Variants in CCL22 observed in about 807,000 individuals in gnomAD.
The protein encoded by CCL22 is C-C motif chemokine 22.
Under a neutral mutation model 7.6 loss-of-function variants are expected in CCL22, and 7 were observed. The observed-to-expected ratio is 0.92, with a 90% CI of 0.52 to 1.72. CCL22 has a LOEUF of 1.72. Among genes scored for constraint, CCL22 ranks in the 40% most tolerant of loss-of-function variants. The pLI, the probability that CCL22 is intolerant of heterozygous loss-of-function variation, is 0.00. For synonymous variants in CCL22, 55 were observed against 47.2 expected, an observed-to-expected ratio of 1.17 and a Z score of -0.68; for missense variants, 115 against 124.7, an observed-to-expected ratio of 0.92 and a Z score of 0.37.
upstream of CCL22, chr16:57,358,776 T>G (rs758389108): frequency 6.8e-6 from 10 of 1,476,538 alleles, no homozygotes; most frequent in South Asian, 1.0e-4. Context: ...TCTTCCTATG[T>G]CCCTTTGCAG....
At chr16:57,361,258 C>CAAAA (rs68168072) in intron 2 of CCL22, among the ~76,000 whole-genome samples, 57 of 114,702 alleles carry the variant, frequency 5.0e-4, no homozygotes, top group African/African-American at 1.9e-3. Flanking sequence ...GACTCTGTCT[C>CAAAA]AAAAAAAAAA....
upstream of CCL22, chr16:57,358,659 G>A (rs1902014730): frequency 1.5e-6 from 1 of 654,854 alleles, no homozygotes; most frequent in African/African-American, 1.8e-5. Flanking sequence ...GGAAGTGGGA[G>A]GTAGTTCTTC....
chr16:57,360,363 G>C lies in CCL22; in HGVS notation c.74-74G>C, dbSNP rs555119329. ...CTCTTTCCTGGAGCCTGGAGAGGCC[G>C]AGATCAGGGGCTGGGGCCGAGGGTG... On this transcript the variant is annotated intron_variant, in intron 1 of 2. Transcript: ENST00000219235. 2.4e-4 allele frequency: 378 copies of C among 1,581,652 alleles called. 6 individuals are homozygous for C. In the South Asian group the frequency reaches 3.9e-3, roughly 16 times the overall value.
intron 2 of CCL22, among the ~76,000 whole-genome samples, chr16:57,360,762 A>AG (rs1420891598): frequency 6.6e-6 from 1 of 152,256 alleles, no homozygotes; most frequent in Non-Finnish European, 1.5e-5. Flanking sequence ...GTGATCGTTT[A>AG]GCCAATATCC....
At position 57,364,540 on chromosome 16, in the gene CCL22, G is replaced by A. The variant is rs1443790074; in HGVS notation, c.*952G>A. The A allele has an allele frequency of 2.0e-5, 3 of 147,668 alleles. No homozygotes were observed. The highest frequency in any genetic ancestry group is 7.5e-5 in the African/African-American group (3 of 40,168). The allele number at this position is 147,668 out of a possible 1,614,324, so 9.1% of individuals were successfully genotyped here. ...GTCACCCACGCTGGAGTGCAATGGT[G>A]TGGTCTTGGCTTATTGAAGCCTCTG... On this transcript the variant is annotated 3_prime_UTR_variant, in exon 3 of 3. Transcript: ENST00000219235.
rs1555509459 is a variant in CCL22 at position 57,364,793 on chromosome 16, A to ACTCCCC, written c.*1206_*1207insTCCCCC. 1 of 33,602 alleles carries ACTCCCC rather than the reference A, an allele frequency of 3.0e-5. No individual in the cohort carries two copies. The highest frequency in any genetic ancestry group is 7.1e-5 in the Non-Finnish European group (1 of 14,102). The allele number at this position is 33,602 out of a possible 1,614,324, so 2.1% of individuals were successfully genotyped here. A position where few individuals can be genotyped will look rare whatever the true frequency, so the allele number is the denominator to read the frequency against. Reference sequence around the variant, plus strand: ...AGTGCCTGGCCTCTTCCCTCTCCCCACCCCCCCCCCAACTTTTTTTTTTTT... The same window carrying ACTCCCC: ...AGTGCCTGGCCTCTTCCCTCTCCCCACTCCCCCCCCCCCCCCAACTTTTTTTTTTTT... On this transcript the variant is annotated 3_prime_UTR_variant, in exon 3 of 3. Coordinates refer to ENST00000219235, the MANE Select transcript of CCL22 (RefSeq NM_002990.5).
In CCL22 at chr16:57,364,904, G is replaced by GTGATTCTCC. The variant is rs1376442545; in HGVS notation, c.*1316_*1317insTGATTCTCC. The GTGATTCTCC allele has an allele frequency of 6.6e-6, 1 of 150,728 alleles. No homozygotes were observed. Among genetic ancestry groups the GTGATTCTCC allele is most frequent in the Non-Finnish European group, 1.5e-5 (1 of 68,024 alleles). 9.3% of individuals were successfully genotyped at this position (150,728 alleles called of 1,614,324 possible). ...TACAACCTCGACCTCCTGGGTTCAA[G>GTGATTCTCC]CGATTCTCCCACCCCAGCCTCCCAA... On this transcript the variant is annotated 3_prime_UTR_variant, in exon 3 of 3. Coordinates refer to ENST00000219235, the MANE Select transcript of CCL22 (RefSeq NM_002990.5).
chr16:57,364,444 A>T lies in CCL22; in HGVS notation c.*856A>T, dbSNP rs992037787. 6.6e-6 allele frequency: 1 copy of T among 151,644 alleles called. No individual in the cohort carries two copies. Among genetic ancestry groups the T allele is most frequent in the East Asian group, 1.9e-4 (1 of 5,156 alleles). 9.4% of individuals were successfully genotyped at this position (151,644 alleles called of 1,614,324 possible). A position where few individuals can be genotyped will look rare whatever the true frequency, so the allele number is the denominator to read the frequency against. On this transcript the variant is annotated 3_prime_UTR_variant, in exon 3 of 3. Transcript: ENST00000219235. ...CCAGCTGGGTCAATGTGAAGCCCCAAATTTGCCCAGATTCACCTTTCTTCC... is the reference window on the plus strand; with the variant it reads ...CCAGCTGGGTCAATGTGAAGCCCCATATTTGCCCAGATTCACCTTTCTTCC...
At chr16:57,358,317 A>G (rs1902009729), upstream of CCL22, among the ~76,000 whole-genome samples, 2 of 152,104 alleles carry the variant, frequency 1.3e-5, no homozygotes, top group Non-Finnish European at 2.9e-5. Flanking sequence ...ATGGGTCCAT[A>G]GGCCTCTCCC....
intron 2 of CCL22, among the ~76,000 whole-genome samples, chr16:57,361,162 G>A (rs1463386672): frequency 1.3e-5 from 2 of 151,676 alleles, no homozygotes; most frequent in African/African-American, 4.9e-5. Context: ...GGGAGGCTGA[G>A]GCAGGAGAAT....
chr16:57,358,135 G>A (rs1033326916), upstream of CCL22, among the ~76,000 whole-genome samples: 12 of 152,154 alleles, frequency 7.9e-5, no homozygotes, highest in South Asian at 2.1e-4. Flanking sequence ...CAGAATCAAC[G>A]GGACATGGAC....
intron 1 of CCL22, among the ~76,000 whole-genome samples, chr16:57,359,387 C>T (rs1340201991): frequency 6.6e-6 from 1 of 152,052 alleles, no homozygotes; most frequent in Non-Finnish European, 1.5e-5. Flanking sequence ...GCAATCTTGG[C>T]CCACTGCAAC....
chr16:57,361,811 C>T (rs1902053298), intron 2 of CCL22, among the ~76,000 whole-genome samples: 1 of 152,132 alleles, frequency 6.6e-6, no homozygotes, highest in Non-Finnish European at 1.5e-5. Context: ...TCATCTTCCT[C>T]CTCCTTATTG....
intron 2 of CCL22, 122 bp downstream of exon 2, chr16:57,360,682 G>C: frequency 8.4e-7 from 1 of 1,194,478 alleles, no homozygotes. Context: ...GCTACCAGAT[G>C]CCTGCCAGGA....
chr16:57,360,424 A>T lies in CCL22; in HGVS notation c.74-13A>T, dbSNP rs763831324. 5 of 1,613,448 alleles carry T rather than the reference A, an allele frequency of 3.1e-6. No homozygotes were observed. The African/African-American group carries it at 5.4e-5, about 17-fold the overall frequency. On this transcript the variant is annotated splice_polypyrimidine_tract_variant and intron_variant, in intron 1 of 2. Transcript: ENST00000219235. ...GCTCCAGCTTGTGAATTCACTGGGG[A>T]CCCCTCCCCTAGGCCCCTACGGCGC...
At position 57,363,662 on chromosome 16, in the gene CCL22, C is replaced by T. The variant is rs867197880; in HGVS notation, c.*74C>T. 2.2e-6 allele frequency: 2 copies of T among 889,058 alleles called. No homozygotes were observed. Among genetic ancestry groups the T allele is most frequent in the Non-Finnish European group, 1.9e-6 (1 of 532,304 alleles). 55.1% of individuals were successfully genotyped at this position (889,058 alleles called of 1,614,324 possible). Reference sequence around the variant, plus strand: ...GAGCCCTACCTCCCTGCCATTATAGCTGCTCCCCGCCAGAAGCCTGTGCCA... The same window carrying T: ...GAGCCCTACCTCCCTGCCATTATAGTTGCTCCCCGCCAGAAGCCTGTGCCA... On this transcript the variant is annotated 3_prime_UTR_variant, in exon 3 of 3. Coordinates refer to ENST00000219235, the MANE Select transcript of CCL22 (RefSeq NM_002990.5).
intron 2 of CCL22, 25 bp from the exon 3 acceptor site, chr16:57,363,479 T>C: frequency 6.5e-7 from 1 of 1,545,328 alleles, no homozygotes; most frequent in Non-Finnish European, 8.9e-7. Context: ...GTTGCTGCAT[T>C]GTCTCTGGGG....
At chr16:57,358,940 G>C (rs1451911905) in intron 1 of CCL22, 51 bp downstream of exon 1, 1 of 1,389,418 alleles carries the variant, frequency 7.2e-7, no homozygotes, top group Non-Finnish European at 1.0e-6. Flanking sequence ...GCAGACGGTG[G>C]GGTGTCTTCC....
upstream of CCL22, among the ~76,000 whole-genome samples, chr16:57,358,262 G>C (rs889090745): frequency 6.6e-6 from 1 of 152,290 alleles, no homozygotes; most frequent in South Asian, 2.1e-4. Context: ...AGAAATCCAC[G>C]ACCTGGCCCA....
Sources: allele counts gnomAD v4.1 joint callset (sites outside exome capture counted in the v4.1 genomes callset), GRCh38; gene constraint gnomAD v4.1.1; transcripts MANE v1.5; gene names NCBI Gene and HGNC (gene_info 2026-07-23, HGNC 2026-07-21).